CFAP57: variants seen among roughly 807,000 people sequenced by gnomAD.
The protein encoded by CFAP57 is cilia- and flagella-associated protein 57.
In CFAP57, 116 loss-of-function variants were observed where a neutral mutation model predicts 146.8. The observed-to-expected ratio is 0.79, with a 90% CI of 0.68 to 0.92. The LOEUF (loss-of-function observed/expected upper bound fraction) is 0.92. Among genes scored for constraint, CFAP57 ranks in the 40% least tolerant of loss-of-function variants. CFAP57 has a pLI of 0.00. For synonymous variants in CFAP57, 518 were observed against 552.8 expected (o/e 0.94, Z 0.88); for missense variants, 1,377 against 1,527.2 (o/e 0.90, Z 1.64).
In CFAP57 at chr1:43,227,077, T is replaced by C; in HGVS notation, c.2960T>C (p.Ile987Thr). The change falls in exon 18 of 23, where the codon ATA becomes ACA. Residue 987 changes from isoleucine (I) to threonine (T), a missense_variant. Ile to Thr is a moderately conservative substitution (Grantham distance 89, BLOSUM62 -1). Transcript: ENST00000372492. ...DYKIKELKKQ[I>T]EPRENEIRVM... The stretch of plus-strand genomic sequence containing the variant: ...AAAATAAAGGAGCTGAAGAAGCAAA[T>C]AGAACCTCGAGAGAATGAGATCAGG... 6.5e-7 allele frequency: 1 copy of C among 1,544,228 alleles called. No individual in the cohort carries two copies. Among genetic ancestry groups the C allele is most frequent in the Non-Finnish European group, 8.7e-7 (1 of 1,143,824 alleles).
At chr1:43,213,503 T>TG (rs748440016) in intron 11 of CFAP57, among the ~76,000 whole-genome samples, 4,416 of 86,808 alleles carry the variant, frequency 0.051, 153 homozygotes, top group Middle Eastern at 0.11. Flanking sequence ...ACAATAAATA[T>TG]GGGGGGGGCG....
intron 12 of CFAP57, among the ~76,000 whole-genome samples, chr1:43,215,691 A>C (rs1236841532): frequency 1.3e-5 from 2 of 152,230 alleles, no homozygotes; most frequent in Non-Finnish European, 2.9e-5. Flanking sequence ...CTACTCTTTG[A>C]AACCAAGAAT....
At position 43,222,850 on chromosome 1, in the gene CFAP57, G is replaced by C; in HGVS notation, c.2559G>C (p.Leu853=). ...CACAGGAAGACGTCAGGCAGCAGCT[G>C]CGGGAGTTTGAAGAGACCAAGAAGC... is the stretch of plus-strand genomic sequence containing the variant. ...EEAQEDVRQQ[L]REFEETKKQI... Residue 853 remains leucine (L), a synonymous_variant, in exon 16 of 23, where the codon CTG becomes CTC. Transcript: ENST00000372492. 1 of 1,548,164 alleles carries C rather than the reference G, an allele frequency of 6.5e-7. No individual in the cohort carries two copies. The highest frequency in any genetic ancestry group is 1.2e-5 in the South Asian group (1 of 83,652).
chr1:43,212,623 T>A (rs1280440425), intron 11 of CFAP57, among the ~76,000 whole-genome samples: 1 of 151,708 alleles, frequency 6.6e-6, no homozygotes, highest in East Asian at 1.9e-4. Flanking sequence ...CTTACTCTGC[T>A]ATCAAACATT....
intron 2 of CFAP57, chr1:43,177,313 G>A: frequency 2.4e-6 from 1 of 420,980 alleles, no homozygotes; most frequent in Non-Finnish European, 4.8e-6. Context: ...TAGACACCAT[G>A]TGGGGTGGAA....
intron 18 of CFAP57, among the ~76,000 whole-genome samples, chr1:43,227,362 G>A (rs1024915234): frequency 4.6e-5 from 7 of 152,180 alleles, no homozygotes; most frequent in African/African-American, 1.7e-4. Context: ...CTGGAGATGG[G>A]CTTTGGCCCT....
intron 12 of CFAP57, among the ~76,000 whole-genome samples, chr1:43,216,119 G>T (rs1644822769): frequency 6.6e-6 from 1 of 152,176 alleles, no homozygotes; most frequent in African/African-American, 2.4e-5. Context: ...GGATCGCAAA[G>T]CTACACAGTC....
chr1:43,186,103 G>A (rs1211258558), intron 5 of CFAP57, among the ~76,000 whole-genome samples: 1 of 151,524 alleles, frequency 6.6e-6, no homozygotes, highest in African/African-American at 2.4e-5. Context: ...TTAGCCAGAT[G>A]TGGTGGTGTG....
chr1:43,197,582 G>A lies in CFAP57; in HGVS notation c.1152G>A (p.Met384Ile), dbSNP rs902787951. ...AGCCTGCTCACTTTGAGTATTTGAT[G>A]TATCCATTGCACTCAGCACCCATCA... The part of the protein sequence containing the change: ...KGEPAHFEYL[M>I]YPLHSAPITG... Residue 384 changes from methionine (M) to isoleucine (I), a missense_variant, in exon 7 of 23, where the codon ATG (methionine) becomes ATA (isoleucine). Coordinates refer to ENST00000372492, the MANE Select transcript of CFAP57 (RefSeq NM_001378189.1). 1 of 1,613,904 alleles carries A rather than the reference G, an allele frequency of 6.2e-7. No homozygotes were observed. Among genetic ancestry groups the A allele is most frequent in the African/African-American group, 1.3e-5 (1 of 74,852 alleles).
rs966708758 is a variant in CFAP57, at chr1:43,254,138, C to T, written c.3700C>T (p.Arg1234Trp). 6.4e-6 allele frequency: 10 copies of T among 1,550,578 alleles called. No homozygotes were observed. The highest frequency in any genetic ancestry group is 2.4e-5 in the East Asian group (1 of 40,928). Residue 1234 changes from arginine to tryptophan, a missense_variant, in exon 23 of 23, where the codon CGG becomes TGG. Transcript: ENST00000372492. ...VTGFHTLAGV[R>W]LPSLSNSEVD... ...AGGGTTCCACACCCTCGCTGGAGTTCGGCTTCCTTCCCTCTCCAACTCCGA... is the reference window on the plus strand; with the variant it reads ...AGGGTTCCACACCCTCGCTGGAGTTTGGCTTCCTTCCCTCTCCAACTCCGA...
Position 43,221,359 on chromosome 1 carries a change from G to T in CFAP57, c.2248-13G>T, listed in dbSNP as rs761582475. The T allele has an allele frequency of 1.3e-6, 2 of 1,528,600 alleles. No individual in the cohort carries two copies. 94.7% of individuals were successfully genotyped at this position (1,528,600 alleles called of 1,614,324 possible). On this transcript the variant is annotated splice_polypyrimidine_tract_variant and intron_variant, in intron 13 of 22. Coordinates refer to ENST00000372492, the MANE Select transcript of CFAP57 (RefSeq NM_001378189.1). The stretch of plus-strand genomic sequence containing the variant: ...CAGATGTGTGTAAATGAGGAAATGT[G>T]ACTCTGTTTTAGGTCTTAAGAACAG...
chr1:43,215,177 G>A, intron 11 of CFAP57, 78 bp from the exon 12 acceptor site: 1 of 1,516,884 alleles, frequency 6.6e-7, no homozygotes, highest in Non-Finnish European at 8.9e-7. Context: ...ATGGGGGGAA[G>A]CCTTGCGCAA....
At chr1:43,210,322 C>G in intron 11 of CFAP57, 1 of 1,407,696 alleles carries the variant, frequency 7.1e-7, no homozygotes, top group Non-Finnish European at 9.2e-7. Flanking sequence ...AAAAGGCCAC[C>G]CCAGGGGCAA....
intron 22 of CFAP57, among the ~76,000 whole-genome samples, chr1:43,252,172 C>CAAAGA (rs111661083): frequency 3.3e-5 from 5 of 151,628 alleles, no homozygotes; most frequent in Admixed American, 2.6e-4. Context: ...GTTTTAAAAA[C>CAAAGA]AAAGAAAAGA....
At chr1:43,229,279 T>G (rs3844083) in intron 18 of CFAP57, among the ~76,000 whole-genome samples, 1 of 148,740 alleles carries the variant, frequency 6.7e-6, no homozygotes, top group Non-Finnish European at 1.5e-5. Flanking sequence ...GGACCATTCA[T>G]CTTCTCTGGC....
rs748930914 is a variant in CFAP57, at chr1:43,185,314, G to T, written c.927G>T (p.Lys309Asn). 6.2e-7 allele frequency: 1 copy of T among 1,614,104 alleles called. No homozygotes were observed. Among genetic ancestry groups the T allele is most frequent in the Non-Finnish European group, 8.5e-7 (1 of 1,180,026 alleles). Residue 309 changes from lysine to asparagine, a missense_variant, in exon 5 of 23, where the codon AAG (lysine) becomes AAT (asparagine). By Grantham distance (94) the Lys-to-Asn change is moderately conservative. Coordinates refer to ENST00000372492, the MANE Select transcript of CFAP57 (RefSeq NM_001378189.1). ...AGPGRVLLFE[K>N]MEEKDFYRES... ...CAGGGAGAGTTCTGCTGTTTGAGAAGATGGAAGAAAAGGATTTTTACCGTG... is the reference window on the plus strand; with the variant it reads ...CAGGGAGAGTTCTGCTGTTTGAGAATATGGAAGAAAAGGATTTTTACCGTG...
intron 17 of CFAP57, 78 bp downstream of exon 17, chr1:43,224,282 G>T: frequency 2.1e-6 from 3 of 1,420,668 alleles, no homozygotes; most frequent in Non-Finnish European, 2.8e-6. Flanking sequence ...GGGGAGAGAG[G>T]GTCCCTAGCT....
At chr1:43,203,921 A>G (rs185341938) in intron 9 of CFAP57, among the ~76,000 whole-genome samples, 1 of 152,266 alleles carries the variant, frequency 6.6e-6, no homozygotes, top group African/African-American at 2.4e-5. Context: ...ATTTATTTGA[A>G]TATTTGTTGT....
At chr1:43,230,730 T>C (rs1645433856) in intron 18 of CFAP57, among the ~76,000 whole-genome samples, 1 of 152,204 alleles carries the variant, frequency 6.6e-6, no homozygotes, top group African/African-American at 2.4e-5. Context: ...ATCCCATCTT[T>C]TTGGGTGCTG....
Sources: allele counts gnomAD v4.1 joint callset (sites outside exome capture counted in the v4.1 genomes callset), GRCh38; gene constraint gnomAD v4.1.1; transcripts MANE v1.5; gene names NCBI Gene and HGNC (gene_info 2026-07-23, HGNC 2026-07-21).